The following GLB1 variants were observed in gnomAD, a reference collection of about 807,000 sequenced individuals.
GLB1 encodes galactosidase beta 1.
GLB1 carries 56 observed loss-of-function variants against 74.0 expected under a neutral mutation model. The observed-to-expected ratio is 0.76, with a 90% confidence interval of 0.61 to 0.94. GLB1 has a LOEUF of 0.94. GLB1 is among the 40% of genes least tolerant of loss of function. The pLI is 0.00. For synonymous variants in GLB1, 323 were observed against 323.6 expected (o/e 1.00, Z 0.02); for missense variants, 787 against 845.5 (o/e 0.93, Z 0.86).
intron 6 of GLB1, among the ~76,000 whole-genome samples, chr3:33,057,111 C>T (rs1559404073): frequency 6.6e-6 from 1 of 152,244 alleles, no homozygotes; most frequent in Non-Finnish European, 1.5e-5. Context: ...GCACCATCCC[C>T]TCAGTGCTAT....
At chr3:32,968,255 G>C in the GLB1 span, among the ~76,000 whole-genome samples, 1 of 152,164 alleles carries the variant, frequency 6.6e-6, no homozygotes, top group African/African-American at 2.4e-5. Context: ...TTAAAAACCA[G>C]CCAAGGCCAG....
intron 10 of GLB1, chr3:33,034,202 C>T (rs1035926816): frequency 7.8e-6 from 5 of 638,936 alleles, no homozygotes; most frequent in Non-Finnish European, 1.4e-5. Flanking sequence ...CTAGGTCCCC[C>T]ATGACTACGG....
chr3:33,031,709 C>T (rs1295021106), intron 10 of GLB1, among the ~76,000 whole-genome samples: 2 of 123,876 alleles, frequency 1.6e-5, no homozygotes, highest in Non-Finnish European at 3.2e-5. Flanking sequence ...ATTTCTCTTT[C>T]AAACCAGAAA....
chr3:33,055,635 A>C (rs1699184777), intron 6 of GLB1, among the ~76,000 whole-genome samples: 1 of 151,246 alleles, frequency 6.6e-6, no homozygotes, highest in Non-Finnish European at 1.5e-5. Flanking sequence ...GTACCAGCTA[A>C]TTTTTGTATC....
At chr3:32,979,089 G>C in the GLB1 span, among the ~76,000 whole-genome samples, 4 of 151,812 alleles carry the variant, frequency 2.6e-5, no homozygotes, top group Admixed American at 2.6e-4. Context: ...CGATTCACCT[G>C]CCTCAGCCTC....
At chr3:33,034,026 G>A (rs1162807783) in intron 10 of GLB1, 1 of 545,616 alleles carries the variant, frequency 1.8e-6, no homozygotes, top group African/African-American at 1.9e-5. Flanking sequence ...AACCTCAGAA[G>A]TCATGAGAGT....
chr3:33,018,654 C>A, intron 12 of GLB1, 93 bp from the exon 13 acceptor site: 6 of 1,348,846 alleles, frequency 4.4e-6, no homozygotes, highest in Admixed American at 1.9e-5. Flanking sequence ...CGATGTTTCT[C>A]AAACCATAAG....
chr3:33,021,507 T>C, intron 12 of GLB1, 59 bp downstream of exon 12: 1 of 1,573,716 alleles, frequency 6.4e-7, no homozygotes, highest in Admixed American at 1.8e-5. Context: ...TGCAAGGCAG[T>C]GCAGAAAGCA....
chr3:33,096,950 C>T, intron 1 of GLB1, 61 bp downstream of exon 1: 3 of 1,581,582 alleles, frequency 1.9e-6, no homozygotes, highest in Admixed American at 1.8e-5. Flanking sequence ...GACCCCAGCC[C>T]GGTTCCCCGC....
At chr3:33,080,126 G>A (rs1426712839) in intron 1 of GLB1, among the ~76,000 whole-genome samples, 2 of 151,414 alleles carry the variant, frequency 1.3e-5, no homozygotes, top group Non-Finnish European at 2.9e-5. Flanking sequence ...TTTTTGAGAT[G>A]GAGTTTCACT....
chr3:33,032,451 C>T (rs1455554193), intron 10 of GLB1, among the ~76,000 whole-genome samples: 1 of 152,150 alleles, frequency 6.6e-6, no homozygotes, highest in African/African-American at 2.4e-5. Context: ...AGGTGCCGAT[C>T]CCAGTACCCA....
chr3:33,026,556 T>C (rs1287017426), intron 10 of GLB1, among the ~76,000 whole-genome samples: 3 of 151,980 alleles, frequency 2.0e-5, no homozygotes, highest in Non-Finnish European at 4.4e-5. Flanking sequence ...GCCCGAAGCC[T>C]GGGGTTCGGG....
intron 1 of GLB1, chr3:33,096,671 C>A (rs1290168628): frequency 8.8e-7 from 1 of 1,137,992 alleles, no homozygotes; most frequent in Admixed American, 5.3e-5. Context: ...ACCCGCGCAA[C>A]TTGGAATCCC....
intron 1 of GLB1, among the ~76,000 whole-genome samples, chr3:33,078,485 C>T (rs1700209803): frequency 6.6e-6 from 1 of 152,174 alleles, no homozygotes; most frequent in Non-Finnish European, 1.5e-5. Context: ...AGTACAGTCT[C>T]ATCTAGAAAG....
intron 12 of GLB1, among the ~76,000 whole-genome samples, 176 bp from the exon 13 acceptor site, chr3:33,018,737 C>T (rs1288835624): frequency 6.6e-6 from 1 of 152,086 alleles, no homozygotes; most frequent in Non-Finnish European, 1.5e-5. Context: ...TTTAGGTCAT[C>T]GAATATCTAT....
intron 10 of GLB1, among the ~76,000 whole-genome samples, chr3:33,043,796 G>GCAAAAGATACCTCAGAAAAATACCAAT (rs1698617355): frequency 8.3e-6 from 1 of 120,974 alleles, no homozygotes; most frequent in East Asian, 2.2e-4. Flanking sequence ...AAAATACCAA[G>GCAAAAGATACCTCAGAAAAATACCAAT]CAAAAGTATG....
intron 1 of GLB1, chr3:33,090,477 A>G: frequency 1.0e-6 from 1 of 985,454 alleles, no homozygotes; most frequent in Non-Finnish European, 1.2e-6. Context: ...AGCATCATAT[A>G]CTACAGACAC....
At position 33,074,389 on chromosome 3, in the gene GLB1, G is replaced by GAAGAAAGAAAGAAAAAGA. The variant is rs1559412995; in HGVS notation, c.76-1677_76-1676insTCTTTTTCTTTCTTTCTT. Reference sequence around the variant, plus strand: ...GGAAGGAAGGAAGGAAGGAAGGAAGGAAGAAAGAAAGAAAGAAAGAATATT... The same window carrying GAAGAAAGAAAGAAAAAGA: ...GGAAGGAAGGAAGGAAGGAAGGAAGGAAGAAAGAAAGAAAAAGAAAGAAAGAAAGAAAGAAAGAATATT... On this transcript the variant is annotated intron_variant, in intron 1 of 15. Coordinates refer to ENST00000307363, the MANE Select transcript of GLB1 (RefSeq NM_000404.4). Among the ~76,000 whole-genome samples the GAAGAAAGAAAGAAAAAGA allele has an allele frequency of 3.9e-4, 15 of 38,910 alleles. 1 individual carries two copies. The East Asian group carries it at 4.2e-3, about 11-fold the overall frequency. The allele number at this position is 38,910 out of a possible 152,430, so 25.5% of individuals were successfully genotyped here.
chr3:32,971,218 A>G, the GLB1 span, among the ~76,000 whole-genome samples: 21 of 152,336 alleles, frequency 1.4e-4, no homozygotes, highest in African/African-American at 3.8e-4. Flanking sequence ...AGATATTACT[A>G]TCTTAAAGCC....
Sources: gnomAD v4.1 joint callset for allele counts (sites outside exome capture counted in the v4.1 genomes callset) on GRCh38, gnomAD v4.1.1 for gene constraint, MANE v1.5 for transcripts, NCBI Gene and HGNC (gene_info 2026-07-23, HGNC 2026-07-21) for gene names.